The following FRAS1 variants were observed in gnomAD, a reference collection of about 807,000 sequenced individuals.
The protein encoded by FRAS1 is extracellular matrix organizing protein FRAS1.
Under a neutral mutation model 435.2 loss-of-function variants are expected in FRAS1, and 290 were observed. The observed-to-expected ratio is 0.67, with a 90% CI of 0.61 to 0.73. FRAS1 has a LOEUF of 0.73. Ranked by LOEUF, FRAS1 falls within the 30% of genes least tolerant of loss-of-function variation. The probability of loss-of-function intolerance (pLI) is 0.00; values close to 1 mark genes in which losing one functional copy is unlikely to be tolerated. For missense variants in FRAS1, 4,860 were observed against 5,001.5 expected, an observed-to-expected ratio of 0.97 and a Z score of 0.85; for synonymous variants, 1,800 against 1,851.0, an observed-to-expected ratio of 0.97 and a Z score of 0.71.
At chr4:78,188,196 C>T (rs1722355649) in intron 2 of FRAS1, among the ~76,000 whole-genome samples, 1 of 152,086 alleles carries the variant, frequency 6.6e-6, no homozygotes, top group Admixed American at 6.6e-5. Context: ...AACTTGATTC[C>T]TTCCTCTGTG....
chr4:78,250,058 A>G (rs928365331), intron 4 of FRAS1, among the ~76,000 whole-genome samples: 8 of 152,138 alleles, frequency 5.3e-5, no homozygotes, highest in Non-Finnish European at 1.2e-4. Context: ...TTTAAAGACT[A>G]TAGTCTTTAA....
intron 47 of FRAS1, among the ~76,000 whole-genome samples, chr4:78,459,149 A>G (rs1318203304): frequency 6.6e-6 from 1 of 152,210 alleles, no homozygotes; most frequent in Non-Finnish European, 1.5e-5. Flanking sequence ...GGCTTAGAAT[A>G]TGAGTGTCTT....
At chr4:78,081,101 C>A (rs558526968) in intron 2 of FRAS1, among the ~76,000 whole-genome samples, 1 of 152,088 alleles carries the variant, frequency 6.6e-6, no homozygotes, top group Admixed American at 6.6e-5. Flanking sequence ...CATCTAAGGT[C>A]ATGTGTTAAA....
At chr4:78,217,885 T>C (rs1460948123) in intron 2 of FRAS1, among the ~76,000 whole-genome samples, 1 of 42,906 alleles carries the variant, frequency 2.3e-5, no homozygotes, top group Non-Finnish European at 4.4e-5. Flanking sequence ...GCCCTCCCCT[T>C]CCCCTCTCCT....
chr4:78,104,496 C>T (rs889817386), intron 2 of FRAS1, among the ~76,000 whole-genome samples: 1 of 152,124 alleles, frequency 6.6e-6, no homozygotes, highest in Non-Finnish European at 1.5e-5. Flanking sequence ...AGACCATTGT[C>T]TTATTCATTT....
At chr4:78,516,825 A>G (rs1303342479) in intron 66 of FRAS1, among the ~76,000 whole-genome samples, 1 of 152,200 alleles carries the variant, frequency 6.6e-6, no homozygotes, top group Admixed American at 6.5e-5. Flanking sequence ...CCATGATCCA[A>G]TCACCTCCCA....
At chr4:78,225,038 G>T (rs1219773801) in intron 2 of FRAS1, among the ~76,000 whole-genome samples, 3 of 152,148 alleles carry the variant, frequency 2.0e-5, no homozygotes, top group African/African-American at 7.2e-5. Context: ...CCATGCAGGG[G>T]TGTACATTGA....
intron 70 of FRAS1, among the ~76,000 whole-genome samples, chr4:78,528,137 A>G (rs1721600968): frequency 6.6e-6 from 1 of 152,144 alleles, no homozygotes; most frequent in Non-Finnish European, 1.5e-5. Flanking sequence ...AAGAATGTCG[A>G]GGTTTGAGAA....
intron 18 of FRAS1, among the ~76,000 whole-genome samples, chr4:78,325,085 A>G (rs1419897101): frequency 1.3e-5 from 2 of 152,236 alleles, no homozygotes; most frequent in Admixed American, 6.5e-5. Context: ...CAGAGATAAT[A>G]AACATCCCAG....
At chr4:78,060,449 A>G (rs1739704801) in intron 1 of FRAS1, among the ~76,000 whole-genome samples, 1 of 152,146 alleles carries the variant, frequency 6.6e-6, no homozygotes, top group Admixed American at 6.5e-5. Context: ...TTTTCTTCTC[A>G]GTGCACAGAG....
intron 2 of FRAS1, among the ~76,000 whole-genome samples, chr4:78,237,231 T>C (rs992755402): frequency 9.9e-5 from 15 of 152,194 alleles, no homozygotes; most frequent in Non-Finnish European, 2.1e-4. Context: ...TGTCCTCCTG[T>C]GGTTTCAGGC....
chr4:78,138,799 G>A (rs2109994195), intron 2 of FRAS1, among the ~76,000 whole-genome samples: 1 of 152,244 alleles, frequency 6.6e-6, no homozygotes, highest in Non-Finnish European at 1.5e-5. Context: ...ATCAGAGTAA[G>A]CATTTGACAA....
chr4:78,520,161 A>G (rs1442439536), intron 67 of FRAS1, among the ~76,000 whole-genome samples: 1 of 149,488 alleles, frequency 6.7e-6, no homozygotes, highest in African/African-American at 2.5e-5. Flanking sequence ...TTCCACACCT[A>G]CCTCCTCCTA....
intron 49 of FRAS1, 51 bp from the exon 50 acceptor site, chr4:78,466,157 T>C (rs543370644): frequency 2.0e-6 from 3 of 1,497,988 alleles, no homozygotes; most frequent in South Asian, 1.2e-5. Context: ...CTCACTCTTT[T>C]GGTTTCTGTT....
intron 2 of FRAS1, among the ~76,000 whole-genome samples, chr4:78,086,749 A>C (rs1578114030): frequency 6.6e-6 from 1 of 152,332 alleles, no homozygotes; most frequent in Middle Eastern, 3.4e-3. Context: ...CTCTGAATAA[A>C]CTAATAGGCT....
intron 20 of FRAS1, among the ~76,000 whole-genome samples, chr4:78,346,779 G>A (rs1283351043): frequency 6.6e-6 from 1 of 151,950 alleles, no homozygotes; most frequent in South Asian, 2.1e-4. Flanking sequence ...TGAGAAAGGA[G>A]CTCCCTCATT....
intron 47 of FRAS1, among the ~76,000 whole-genome samples, chr4:78,456,148 T>TC (rs372166037): frequency 0.19 from 19,772 of 103,460 alleles, 1,785 homozygotes; most frequent in Middle Eastern, 0.25. Flanking sequence ...CTTTTTTTTT[T>TC]TTTTTTTTTT....
rs11355997 is a variant in FRAS1, at chr4:78,536,191, A to ATTTT, written c.11093-786_11093-783dup. 1.1e-3 allele frequency among the ~76,000 whole-genome samples: 115 copies of ATTTT among 103,970 alleles called. 2 individuals carry two copies. Among genetic ancestry groups the ATTTT allele is most frequent in the Middle Eastern group, 0.01 (2 of 196 alleles). 68.2% of individuals were successfully genotyped at this position (103,970 alleles called of 152,430 possible). ...GAAGCATTCAGTATTTTGTACATGG[A>ATTTT]TTTTTTTTTTTTTTTTTTTTTGCCT... On this transcript the variant is annotated intron_variant, in intron 71 of 73. Transcript: ENST00000512123.
intron 2 of FRAS1, among the ~76,000 whole-genome samples, chr4:78,090,543 G>C (rs982972914): frequency 1.3e-5 from 2 of 152,084 alleles, no homozygotes; most frequent in Admixed American, 1.3e-4. Context: ...GGTCAAAGAG[G>C]CCTCCGTCAC....
Sources: gnomAD v4.1 joint callset for allele counts (sites outside exome capture counted in the v4.1 genomes callset) on GRCh38, gnomAD v4.1.1 for gene constraint, MANE v1.5 for transcripts, NCBI Gene and HGNC (gene_info 2026-07-23, HGNC 2026-07-21) for gene names.